SLC35B3: variants seen among roughly 807,000 people sequenced by gnomAD.
The protein encoded by SLC35B3 is solute carrier family 35 member B3, also known as adenosine 3'-phospho 5'-phosphosulfate transporter 2.
A neutral mutation model predicts 44.1 loss-of-function variants in SLC35B3; 35 were observed. That is an observed-to-expected ratio of 0.79 (90% CI 0.61 to 1.05). The LOEUF is 1.05. Among genes scored for constraint, SLC35B3 ranks in the 50% least tolerant of loss-of-function variants. SLC35B3 has a pLI of 0.00. For missense variants in SLC35B3, 414 were observed against 476.4 expected (o/e 0.87, Z 1.22); for synonymous variants, 146 against 167.3 (o/e 0.87, Z 0.98).
rs980550217 is a variant in SLC35B3, at chr6:8,435,270, G to A, written c.-44+73C>T. 6 of 1,289,262 alleles carry A rather than the reference G, an allele frequency of 4.7e-6. No homozygotes were observed. In the African/African-American group the frequency reaches 6.1e-5, roughly 13 times the overall value. 79.9% of individuals were successfully genotyped at this position (1,289,262 alleles called of 1,614,324 possible). A position where few individuals can be genotyped will look rare whatever the true frequency, so the allele number is the denominator to read the frequency against. ...CGCTCCTTCTGGATGAGGAAGATGG[G>A]CAGTGTCAAGGTTTTCTGGAGGAGA... On this transcript the variant is annotated intron_variant, in intron 1 of 10. Coordinates refer to ENST00000644923, the MANE Select transcript of SLC35B3 (RefSeq NM_001370476.2). This position sits in a 1 kb window ranked among gnomAD's most constrained non-coding sequence, Gnocchi z 5.5.
intron 4 of SLC35B3, among the ~76,000 whole-genome samples, chr6:8,426,900 G>A (rs530717467): frequency 6.6e-6 from 1 of 152,294 alleles, no homozygotes; most frequent in African/African-American, 2.4e-5. Context: ...ATAAGGTTCA[G>A]ACTGAGGTGG....
intron 3 of SLC35B3, among the ~76,000 whole-genome samples, chr6:8,428,432 G>T (rs1763646981): frequency 6.6e-6 from 1 of 152,086 alleles, no homozygotes; most frequent in African/African-American, 2.4e-5. Context: ...TTGAATAAAT[G>T]AAGTGTATGT....
rs1250655421 is a variant in SLC35B3 at position 8,433,630 on chromosome 6, T to C, written c.3+755A>G. ...TCTCTAGCACTGTCTTTTCTACATG[T>C]ATGCCAAAATACCGACATTGCTACT... is the stretch of plus-strand genomic sequence containing the variant. On this transcript the variant is annotated intron_variant, in intron 2 of 10. Coordinates refer to ENST00000644923, the MANE Select transcript of SLC35B3 (RefSeq NM_001370476.2). This position sits in a 1 kb window ranked among gnomAD's most constrained non-coding sequence, Gnocchi z 4.1. 6.6e-6 allele frequency among the ~76,000 whole-genome samples: 1 copy of C among 152,174 alleles called. No individual in the cohort carries two copies. The highest frequency in any genetic ancestry group is 1.5e-5 in the Non-Finnish European group (1 of 68,018).
At chr6:8,431,138 CTT>C (rs1305038111) in intron 2 of SLC35B3, among the ~76,000 whole-genome samples, 1 of 152,088 alleles carries the variant, frequency 6.6e-6, no homozygotes, top group Non-Finnish European at 1.5e-5. Context: ...ATCAATTTCT[CTT>C]TGGATTTATA....
intron 3 of SLC35B3, among the ~76,000 whole-genome samples, chr6:8,429,294 T>A (rs1763734445): frequency 6.6e-6 from 1 of 152,106 alleles, no homozygotes; most frequent in South Asian, 2.1e-4. Flanking sequence ...AATGTAAATA[T>A]AAGACAAATT....
At position 8,411,883 on chromosome 6, in the gene SLC35B3, A is replaced by G. The variant is rs900815149; in HGVS notation, c.*1666T>C. ...AATAACAGTATTTTTAAAAAATACA[A>G]TAGAAGCAATTCTAAAAATCACTGC... On this transcript the variant is annotated 3_prime_UTR_variant, in exon 11 of 11. Coordinates refer to ENST00000644923, the MANE Select transcript of SLC35B3 (RefSeq NM_001370476.2). Among the ~76,000 whole-genome samples the G allele has an allele frequency of 6.6e-6, 1 of 152,222 alleles. No individual in the cohort carries two copies. The highest frequency in any genetic ancestry group is 2.1e-4 in the South Asian group (1 of 4,832).
chr6:8,430,166 G>T lies in SLC35B3; in HGVS notation c.4-9C>A. 2 of 1,524,990 alleles carry T rather than the reference G, an allele frequency of 1.3e-6. No homozygotes were observed. Among genetic ancestry groups the T allele is most frequent in the Non-Finnish European group, 1.8e-6 (2 of 1,140,482 alleles). The allele number at this position is 1,524,990 out of a possible 1,614,324, so 94.5% of individuals were successfully genotyped here. A position where few individuals can be genotyped will look rare whatever the true frequency, so the allele number is the denominator to read the frequency against. Reference sequence around the variant, plus strand: ...GCTTGCTGTGTCAAGTCCTAGAGAAGGAAATAAGCAATTAAAACATTTACA... The same window carrying T: ...GCTTGCTGTGTCAAGTCCTAGAGAATGAAATAAGCAATTAAAACATTTACA... On this transcript the variant is annotated splice_polypyrimidine_tract_variant and intron_variant, in intron 2 of 10. Transcript: ENST00000644923.
At chr6:8,435,549 C>T (rs1460560977), upstream of SLC35B3, 2 of 422,144 alleles carry the variant, frequency 4.7e-6, no homozygotes, top group Non-Finnish European at 8.4e-6. This position sits in a 1 kb window ranked among gnomAD's most constrained non-coding sequence, Gnocchi z 5.5. Flanking sequence ...CCTATGTGTC[C>T]CTGCGCGCGT....
chr6:8,416,598 C>T (rs1290457923), intron 9 of SLC35B3, among the ~76,000 whole-genome samples: 1 of 152,122 alleles, frequency 6.6e-6, no homozygotes, highest in African/African-American at 2.4e-5. Context: ...TGGAGGTCGT[C>T]ATCTCATCAT....
rs894963918 is a variant in SLC35B3 at position 8,433,643 on chromosome 6, C to T, written c.3+742G>A. 1.3e-5 allele frequency among the ~76,000 whole-genome samples: 2 copies of T among 152,198 alleles called. No homozygotes were observed. The highest frequency in any genetic ancestry group is 1.3e-4 in the Admixed American group (2 of 15,280). On this transcript the variant is annotated intron_variant, in intron 2 of 10. Coordinates refer to ENST00000644923, the MANE Select transcript of SLC35B3 (RefSeq NM_001370476.2). This position sits in a 1 kb window ranked among gnomAD's most constrained non-coding sequence, Gnocchi z 4.1. Reference sequence around the variant, plus strand: ...CTTTTCTACATGTATGCCAAAATACCGACATTGCTACTGAAACTCCCCACA... The same window carrying T: ...CTTTTCTACATGTATGCCAAAATACTGACATTGCTACTGAAACTCCCCACA...
chr6:8,413,557 T>C lies in SLC35B3; in HGVS notation c.1198A>G (p.Thr400Ala). 3.1e-6 allele frequency: 5 copies of C among 1,608,626 alleles called. No homozygotes were observed. The highest frequency in any genetic ancestry group is 4.2e-6 in the Non-Finnish European group (5 of 1,177,966). ...AATAGGACAATCACTGTCTATACAG[T>C]CTGTGCCAGCGTCCTTGACTTTCTT... Residue 400 changes from threonine to alanine, a missense_variant, in exon 11 of 11, where the codon ACT (threonine) becomes GCT (alanine). By Grantham distance (58) the Thr-to-Ala change is moderately conservative (BLOSUM62 0). Coordinates refer to ENST00000644923, the MANE Select transcript of SLC35B3 (RefSeq NM_001370476.2).
rs1764164755 is a variant in SLC35B3, at chr6:8,433,277, G to C, written c.3+1108C>G. Among the ~76,000 whole-genome samples the C allele has an allele frequency of 6.6e-6, 1 of 152,058 alleles. No individual in the cohort carries two copies. The highest frequency in any genetic ancestry group is 6.5e-5 in the Admixed American group (1 of 15,268). ...TGATCATGCTGCATCCATGAATAAG[G>C]CCTCGAAGTTAAAAACGAGTTGATG... On this transcript the variant is annotated intron_variant, in intron 2 of 10. Transcript: ENST00000644923. This position sits in a 1 kb window ranked among gnomAD's most constrained non-coding sequence, Gnocchi z 4.1.
rs9379195 is a variant in SLC35B3 at position 8,434,258 on chromosome 6, G to C, written c.3+127C>G. 34,717 of 824,686 alleles carry C rather than the reference G, an allele frequency of 0.042. 2,170 individuals carry two copies. The highest frequency in any genetic ancestry group is 0.24 in the East Asian group (9,633 of 39,418). 51.1% of individuals were successfully genotyped at this position (824,686 alleles called of 1,614,324 possible). The stretch of plus-strand genomic sequence containing the variant: ...TTATTTTTGAGTTTTCCGACCTGAA[G>C]GACAAAAGTCCCACACCAAAAAAAG... On this transcript the variant is annotated intron_variant, in intron 2 of 10. Coordinates refer to ENST00000644923, the MANE Select transcript of SLC35B3 (RefSeq NM_001370476.2). The surrounding 1 kb of genome is among the most constrained non-coding windows in gnomAD (Gnocchi z 6.3).
Position 8,435,355 on chromosome 6 carries a change from A to T in SLC35B3, c.-56T>A, listed in dbSNP as rs746985407. 17 of 1,289,158 alleles carry T rather than the reference A, an allele frequency of 1.3e-5. No homozygotes were observed. In the East Asian group the frequency reaches 1.7e-4, roughly 13 times the overall value. 79.9% of individuals were successfully genotyped at this position (1,289,158 alleles called of 1,614,324 possible). A position where few individuals can be genotyped will look rare whatever the true frequency, so the allele number is the denominator to read the frequency against. On this transcript the variant is annotated 5_prime_UTR_variant, in exon 1 of 11. Transcript: ENST00000644923. This position sits in a 1 kb window ranked among gnomAD's most constrained non-coding sequence, Gnocchi z 5.5. ...AAGGCACGCGTACCCCAAGGCCGGT[A>T]TGTCACCCGGAAGGGTGACGGCAGC...
intron 4 of SLC35B3, among the ~76,000 whole-genome samples, chr6:8,426,838 C>A (rs1355470035): frequency 6.6e-6 from 1 of 152,074 alleles, no homozygotes; most frequent in African/African-American, 2.4e-5. Context: ...TTTGGAACCA[C>A]CTAGAGACTT....
In SLC35B3 at chr6:8,434,128, A is replaced by C. The variant is rs1029689414; in HGVS notation, c.3+257T>G. 6.6e-6 allele frequency among the ~76,000 whole-genome samples: 1 copy of C among 151,940 alleles called. No homozygotes were observed. Among genetic ancestry groups the C allele is most frequent in the Non-Finnish European group, 1.5e-5 (1 of 68,000 alleles). On this transcript the variant is annotated intron_variant, in intron 2 of 10. Transcript: ENST00000644923. The surrounding 1 kb of genome is among the most constrained non-coding windows in gnomAD (Gnocchi z 6.3). ...CAGATATTCAACTTCAACTGCTAAA[A>C]TGGAATAAAAAGGTAGCATTTCCGG...
rs1224336825 is a variant in SLC35B3 at position 8,433,168 on chromosome 6, AT to A, written c.3+1216del. Reference sequence around the variant, plus strand: ...TCGGACCCTACTCCATCAGGCAGCCATTTTCTCTTGCCTAGATTACGAGACT... The same window carrying A: ...TCGGACCCTACTCCATCAGGCAGCCATTTCTCTTGCCTAGATTACGAGACT... On this transcript the variant is annotated intron_variant, in intron 2 of 10. Transcript: ENST00000644923. This position sits in a 1 kb window ranked among gnomAD's most constrained non-coding sequence, Gnocchi z 4.1. 1.3e-5 allele frequency among the ~76,000 whole-genome samples: 2 copies of A among 152,056 alleles called. No homozygotes were observed. Among genetic ancestry groups the A allele is most frequent in the Non-Finnish European group, 2.9e-5 (2 of 68,010 alleles).
At position 8,420,586 on chromosome 6, in the gene SLC35B3, A is replaced by C. The variant is rs903158576; in HGVS notation, c.682+135T>G. 8.5e-6 allele frequency: 5 copies of C among 585,846 alleles called. No homozygotes were observed. In the Admixed American group the frequency reaches 9.4e-5, roughly 11 times the overall value. The allele number at this position is 585,846 out of a possible 1,614,324, so 36.3% of individuals were successfully genotyped here. On this transcript the variant is annotated intron_variant, in intron 6 of 10. Transcript: ENST00000644923. This position sits in a 1 kb window ranked among gnomAD's most constrained non-coding sequence, Gnocchi z 4.4. ...GATATTTTCACTACATCTTATATGG[A>C]AAGTCCAAAAGCTTTATGTTAGATA...
Position 8,413,052 on chromosome 6 carries a change from A to G in SLC35B3, c.*497T>C, listed in dbSNP as rs1270252697. The G allele has an allele frequency of 6.6e-6, 1 of 152,346 alleles. No individual in the cohort carries two copies. Among genetic ancestry groups the G allele is most frequent in the Non-Finnish European group, 1.5e-5 (1 of 68,068 alleles). 9.4% of individuals were successfully genotyped at this position (152,346 alleles called of 1,614,324 possible). A position where few individuals can be genotyped will look rare whatever the true frequency, so the allele number is the denominator to read the frequency against. On this transcript the variant is annotated 3_prime_UTR_variant, in exon 11 of 11. Transcript: ENST00000644923. ...CTTCCATTTCTCTCTTTATAACAAA[A>G]TTCTATTAACACATCTTGAAAAAAG...
Sources: gnomAD v4.1 joint callset for allele counts (sites outside exome capture counted in the v4.1 genomes callset) on GRCh38, gnomAD v4.1.1 for gene constraint, Gnocchi (gnomAD v3.1) non-coding constraint, MANE v1.5 for transcripts, NCBI Gene and HGNC (gene_info 2026-07-23, HGNC 2026-07-21) for gene names.